RBFOX1: variants seen among roughly 807,000 people sequenced by gnomAD.
RBFOX1 encodes the protein RNA binding protein fox-1 homolog 1.
In RBFOX1, 8 loss-of-function variants were observed where a neutral mutation model predicts 57.7. The ratio of observed to expected loss-of-function variants is 0.14; its 90% CI spans 0.08 to 0.25. The LOEUF is 0.25. Ranked by LOEUF, RBFOX1 falls within the 10% of genes least tolerant of loss-of-function variation. The pLI is 1.00. For missense variants in RBFOX1, 611 were observed against 548.5 expected, an observed-to-expected ratio of 1.11 and a Z score of -1.14; for synonymous variants, 326 against 222.4, an observed-to-expected ratio of 1.47 and a Z score of -4.15.
intron 4 of RBFOX1, among the ~76,000 whole-genome samples, chr16:7,234,587 TATG>T (rs1262778467): frequency 3.5e-5 from 3 of 84,698 alleles, no homozygotes; most frequent in Non-Finnish European, 6.3e-5. Flanking sequence ...TGTGTATACA[TATG>T]TGTGTGTGTG....
intron 4 of RBFOX1, among the ~76,000 whole-genome samples, chr16:7,406,804 G>A (rs959790207): frequency 9.8e-5 from 15 of 152,298 alleles, no homozygotes; most frequent in Non-Finnish European, 1.6e-4. Flanking sequence ...CTAAACTTGA[G>A]GCTTCTGCAG....
At chr16:6,986,221 G>T (rs184493348) in intron 3 of RBFOX1, among the ~76,000 whole-genome samples, 1 of 55,948 alleles carries the variant, frequency 1.8e-5, no homozygotes, top group East Asian at 6.8e-4. Context: ...TATTTTCTGA[G>T]ACAGAGTCTT....
chr16:7,491,245 G>A (rs528096376), intron 4 of RBFOX1, among the ~76,000 whole-genome samples: 4 of 151,852 alleles, frequency 2.6e-5, no homozygotes, highest in Admixed American at 6.6e-5. Flanking sequence ...GGTTTCCTCC[G>A]CAGGAACACT....
chr16:6,104,758 A>G (rs1351843301), intron 1 of RBFOX1, among the ~76,000 whole-genome samples: 1 of 152,250 alleles, frequency 6.6e-6, no homozygotes, highest in Admixed American at 6.5e-5. Flanking sequence ...AAAACAGAAT[A>G]CAAATAGAAG....
At chr16:7,422,983 T>A (rs1474024081) in intron 4 of RBFOX1, 1 of 152,270 alleles carries the variant, frequency 6.6e-6, no homozygotes, top group Non-Finnish European at 1.5e-5. Context: ...TCCTTTACAC[T>A]GACACCTGGC....
At chr16:5,880,478 G>C (rs2057735561) in intron 4 of RBFOX1, among the ~76,000 whole-genome samples, 1 of 152,228 alleles carries the variant, frequency 6.6e-6, no homozygotes, top group Non-Finnish European at 1.5e-5. Flanking sequence ...TCAGCCAGCA[G>C]ATCCATATTC....
intron 2 of RBFOX1, among the ~76,000 whole-genome samples, chr16:6,394,921 A>C (rs1210878179): frequency 6.6e-6 from 1 of 152,214 alleles, no homozygotes; most frequent in Non-Finnish European, 1.5e-5. Flanking sequence ...TTACTGTTTA[A>C]AACCACTTTT....
At chr16:5,274,802 C>G (rs2063102312) in intron 1 of RBFOX1, among the ~76,000 whole-genome samples, 1 of 152,182 alleles carries the variant, frequency 6.6e-6, no homozygotes. Flanking sequence ...TCTGGCAGAG[C>G]CAGCCAGGTC....
chr16:7,295,705 T>C (rs1047495492), intron 4 of RBFOX1, among the ~76,000 whole-genome samples: 3 of 151,972 alleles, frequency 2.0e-5, no homozygotes, highest in Non-Finnish European at 4.4e-5. Context: ...AGTCTCGCTG[T>C]TTGTGTTTGA....
chr16:5,781,681 G>A lies in RBFOX1; in HGVS notation c.319-85622G>A, dbSNP rs550415618. On this transcript the variant is annotated intron_variant, in intron 3 of 19. Coordinates refer to the RBFOX1 transcript ENST00000641259. Reference sequence around the variant, plus strand: ...TGTGCCAATAAAACTTTATTTACAAGAACTGGTGGCAGGCTAGAATTGCCC... The same window carrying A: ...TGTGCCAATAAAACTTTATTTACAAAAACTGGTGGCAGGCTAGAATTGCCC... Among the ~76,000 whole-genome samples the A allele has an allele frequency of 7.2e-5, 11 of 152,338 alleles. No individual in the cohort carries two copies. In the East Asian group the frequency reaches 1.7e-3, roughly 24 times the overall value.
intron 2 of RBFOX1, among the ~76,000 whole-genome samples, chr16:6,542,347 T>A (rs1225848737): frequency 6.6e-6 from 1 of 152,046 alleles, no homozygotes; most frequent in Non-Finnish European, 1.5e-5. Context: ...TGTGGGGTGT[T>A]CTAAATGCAG....
intron 4 of RBFOX1, among the ~76,000 whole-genome samples, chr16:7,178,416 C>T (rs567901724): frequency 3.3e-5 from 5 of 152,246 alleles, no homozygotes; most frequent in South Asian, 4.1e-4. Flanking sequence ...TTCCCAAGTT[C>T]GCAGGAGGAG....
At chr16:7,371,966 C>CT (rs148559101) in intron 4 of RBFOX1, among the ~76,000 whole-genome samples, 2,689 of 150,834 alleles carry the variant, frequency 0.018, 67 homozygotes, top group African/African-American at 0.058. Context: ...CCCTTAATTC[C>CT]TTTTTTTTTC....
intron 1 of RBFOX1, among the ~76,000 whole-genome samples, chr16:6,291,214 C>T (rs1026202437): frequency 6.6e-6 from 1 of 152,130 alleles, no homozygotes; most frequent in African/African-American, 2.4e-5. Flanking sequence ...GTGCCAACCT[C>T]TTATCTCAGC....
chr16:5,818,832 G>A (rs887583245), intron 3 of RBFOX1, among the ~76,000 whole-genome samples: 1 of 152,120 alleles, frequency 6.6e-6, no homozygotes, highest in Admixed American at 6.6e-5. Flanking sequence ...ATGCTCAAAG[G>A]GGCTACAGTG....
intron 3 of RBFOX1, among the ~76,000 whole-genome samples, chr16:6,986,831 A>T (rs1194609219): frequency 1.3e-5 from 2 of 152,072 alleles, no homozygotes; most frequent in Non-Finnish European, 2.9e-5. Flanking sequence ...TGTATGTTTC[A>T]CTTGTCTTGG....
intron 4 of RBFOX1, among the ~76,000 whole-genome samples, chr16:7,392,854 G>GGTTTGTTTGTTTGTTT (rs71391628): frequency 8.1e-6 from 1 of 123,080 alleles, no homozygotes; most frequent in Admixed American, 7.5e-5. Context: ...GGTTTGGTTT[G>GGTTTGTTTGTTTGTTT]GTTTGTTTGT....
intron 2 of RBFOX1, among the ~76,000 whole-genome samples, chr16:5,525,030 C>T (rs911212964): frequency 1.3e-5 from 2 of 152,176 alleles, no homozygotes; most frequent in African/African-American, 4.8e-5. Context: ...CCATCTTCCC[C>T]AACACAACTT....
At chr16:7,208,624 G>T (rs1275998650) in intron 4 of RBFOX1, among the ~76,000 whole-genome samples, 5 of 152,042 alleles carry the variant, frequency 3.3e-5, no homozygotes, top group African/African-American at 1.2e-4. Flanking sequence ...TTGCTTCAGG[G>T]TAAGAGTTTC....
Sources: gnomAD v4.1 joint callset for allele counts (sites outside exome capture counted in the v4.1 genomes callset) on GRCh38, gnomAD v4.1.1 for gene constraint, MANE v1.5 for transcripts, NCBI Gene and HGNC (gene_info 2026-07-23, HGNC 2026-07-21) for gene names.